The following CCDC141 variants were observed in gnomAD, a reference collection of about 807,000 sequenced individuals.
CCDC141 encodes the protein coiled-coil domain-containing protein 141.
In CCDC141, 168 loss-of-function variants were observed where a neutral mutation model predicts 181.0. The observed-to-expected ratio is 0.93, with a 90% CI of 0.82 to 1.05. The LOEUF (loss-of-function observed/expected upper bound fraction) is 1.05, where lower values mean the gene tolerates loss of function less well. Among genes scored for constraint, CCDC141 ranks in the 50% least tolerant of loss-of-function variants. The probability of loss-of-function intolerance (pLI) is 0.00; values close to 1 mark genes in which losing one functional copy is unlikely to be tolerated. For synonymous variants in CCDC141, 666 were observed against 642.3 expected (o/e 1.04, Z -0.56); for missense variants, 1,902 against 1,788.5 (o/e 1.06, Z -1.14).
chr2:178,885,201 C>T (rs1575169075), intron 10 of CCDC141, 109 bp from the exon 11 acceptor site: 2 of 592,494 alleles, frequency 3.4e-6, no homozygotes, highest in East Asian at 6.2e-5. Flanking sequence ...TGAACTTATA[C>T]CAAGAATCTC....
At chr2:178,818,147 T>C in the CCDC141 span, among the ~76,000 whole-genome samples, 1 of 152,140 alleles carries the variant, frequency 6.6e-6, no homozygotes, top group Non-Finnish European at 1.5e-5. Flanking sequence ...GAAGTCTTTC[T>C]AAACAATGTC....
chr2:178,920,147 C>T (rs561466477), intron 6 of CCDC141, among the ~76,000 whole-genome samples: 2 of 152,198 alleles, frequency 1.3e-5, no homozygotes, highest in Non-Finnish European at 2.9e-5. Context: ...TTCTGGTATC[C>T]ATATAAGCTG....
chr2:178,954,110 C>A (rs1245954414), intron 5 of CCDC141, among the ~76,000 whole-genome samples: 1 of 152,190 alleles, frequency 6.6e-6, no homozygotes, highest in Non-Finnish European at 1.5e-5. Context: ...TGTCTTAATT[C>A]TCCTAGACGT....
chr2:178,940,518 T>C (rs1426301013), intron 6 of CCDC141, among the ~76,000 whole-genome samples: 3 of 152,050 alleles, frequency 2.0e-5, no homozygotes, highest in Non-Finnish European at 4.4e-5. Context: ...ATGTGAGGGA[T>C]AGAGAGAATA....
intron 6 of CCDC141, among the ~76,000 whole-genome samples, chr2:178,922,084 G>T (rs1490407842): frequency 3.9e-5 from 6 of 152,192 alleles, no homozygotes; most frequent in Non-Finnish European, 7.4e-5. Flanking sequence ...AGGATATGAA[G>T]AAATGAAATA....
intron 6 of CCDC141, among the ~76,000 whole-genome samples, chr2:178,936,115 T>C (rs185404190): frequency 2.0e-5 from 3 of 152,290 alleles, no homozygotes; most frequent in East Asian, 1.9e-4. Flanking sequence ...ATCCCACTTG[T>C]CAATTTTTGC....
chr2:179,035,802 GCAT>G (rs1430828496), intron 2 of CCDC141, among the ~76,000 whole-genome samples: 1 of 152,148 alleles, frequency 6.6e-6, no homozygotes, highest in Non-Finnish European at 1.5e-5. Context: ...ATATGGCACA[GCAT>G]CATCATATTA....
At chr2:178,883,304 G>C (rs1348936680) in intron 11 of CCDC141, among the ~76,000 whole-genome samples, 18 of 152,070 alleles carry the variant, frequency 1.2e-4, no homozygotes, top group Non-Finnish European at 2.6e-4. Flanking sequence ...GAACACAAAG[G>C]ATAAATGCTT....
intron 11 of CCDC141, among the ~76,000 whole-genome samples, chr2:178,878,840 A>G (rs1162589439): frequency 6.6e-6 from 1 of 152,170 alleles, no homozygotes; most frequent in Non-Finnish European, 1.5e-5. Context: ...GTTTCATTTA[A>G]AGCCAAGTTT....
chr2:178,824,259 C>G, the CCDC141 span, among the ~76,000 whole-genome samples: 1 of 152,142 alleles, frequency 6.6e-6, no homozygotes, highest in African/African-American at 2.4e-5. Flanking sequence ...GAGATGGTAT[C>G]ATTCCGCTAA....
At chr2:178,942,269 A>C (rs1168536653) in intron 6 of CCDC141, among the ~76,000 whole-genome samples, 1 of 152,168 alleles carries the variant, frequency 6.6e-6, no homozygotes, top group Non-Finnish European at 1.5e-5. Context: ...TGTTTTGTAG[A>C]GATGGAATCT....
chr2:178,886,880 G>T lies in CCDC141; in HGVS notation c.1408-9C>A. On this transcript the variant is annotated splice_polypyrimidine_tract_variant and intron_variant, in intron 9 of 23. Coordinates refer to ENST00000443758, the MANE Select transcript of CCDC141 (RefSeq NM_173648.4). ...TGAATTGACATTTCCACCTTTAGGA[G>T]TGAATAATATATGGCAGTCTTAGTA... 2.9e-6 allele frequency: 4 copies of T among 1,391,534 alleles called. No homozygotes were observed. The highest frequency in any genetic ancestry group is 1.9e-4 in the Middle Eastern group (1 of 5,358). The allele number at this position is 1,391,534 out of a possible 1,614,324, so 86.2% of individuals were successfully genotyped here.
intron 22 of CCDC141, among the ~76,000 whole-genome samples, chr2:178,842,506 T>C (rs1199338462): frequency 6.6e-6 from 1 of 152,252 alleles, no homozygotes; most frequent in Non-Finnish European, 1.5e-5. Context: ...ATTTAAATCA[T>C]TGCCCTGTAG....
chr2:179,048,442 T>C (rs945670284), intron 1 of CCDC141, among the ~76,000 whole-genome samples: 1 of 152,176 alleles, frequency 6.6e-6, no homozygotes, highest in Non-Finnish European at 1.5e-5. Context: ...AATTTTCCAG[T>C]GTAATTTCCA....
rs966747502 is a variant in CCDC141, at chr2:178,830,435, TAAG to T, written c.*3735_*3737del. On this transcript the variant is annotated 3_prime_UTR_variant, in exon 24 of 24. Coordinates refer to ENST00000443758, the MANE Select transcript of CCDC141 (RefSeq NM_173648.4). ...CCTGATTCGGATTGACTCCTGTCTA[TAAG>T]AAGGGAGAATCATCTTTGTCTTTTT... The T allele has an allele frequency of 2.6e-5, 4 of 152,206 alleles. No homozygotes were observed. Among genetic ancestry groups the T allele is most frequent in the Non-Finnish European group, 5.9e-5 (4 of 68,034 alleles). The allele number at this position is 152,206 out of a possible 1,614,324, so 9.4% of individuals were successfully genotyped here. A position where few individuals can be genotyped will look rare whatever the true frequency, so the allele number is the denominator to read the frequency against.
intron 21 of CCDC141, among the ~76,000 whole-genome samples, chr2:178,846,135 T>C (rs151289344): frequency 1.3e-3 from 188 of 150,200 alleles, no homozygotes; most frequent in African/African-American, 4.4e-3. Context: ...GAGAAGAAAG[T>C]AGGAAATCCA....
Position 178,833,235 on chromosome 2 carries a change from C to G in CCDC141, c.*938G>C, listed in dbSNP as rs915748460. On this transcript the variant is annotated 3_prime_UTR_variant, in exon 24 of 24. Coordinates refer to ENST00000443758, the MANE Select transcript of CCDC141 (RefSeq NM_173648.4). ...AGGAGGCCGGTCTGATGACAAATTA[C>G]ATTAAACAATATCATTATCCTTAGC... is the stretch of plus-strand genomic sequence containing the variant. 6.6e-6 allele frequency: 1 copy of G among 152,108 alleles called. No individual in the cohort carries two copies. Among genetic ancestry groups the G allele is most frequent in the Non-Finnish European group, 1.5e-5 (1 of 68,014 alleles). The allele number at this position is 152,108 out of a possible 1,614,324, so 9.4% of individuals were successfully genotyped here.
Position 178,905,180 on chromosome 2 carries a change from T to G in CCDC141, c.1265+149A>C, listed in dbSNP as rs575699052. On this transcript the variant is annotated intron_variant, in intron 8 of 23. Transcript: ENST00000443758. ...CAATGGATGTGTTCAGAATAGCTGTTGATCAAACTTCAATAGATCCTTTTA... is the reference window on the plus strand; with the variant it reads ...CAATGGATGTGTTCAGAATAGCTGTGGATCAAACTTCAATAGATCCTTTTA... The G allele has an allele frequency of 1.3e-5, 9 of 703,000 alleles. No homozygotes were observed. The South Asian group carries it at 1.7e-4, about 14-fold the overall frequency. The allele number at this position is 703,000 out of a possible 1,614,324, so 43.5% of individuals were successfully genotyped here. A position where few individuals can be genotyped will look rare whatever the true frequency, so the allele number is the denominator to read the frequency against.
intron 10 of CCDC141, 88 bp downstream of exon 10, chr2:178,886,664 G>A: frequency 1.2e-6 from 1 of 835,374 alleles, no homozygotes; most frequent in Non-Finnish European, 1.8e-6. Context: ...AACCTCAAGT[G>A]AGCTAGGATT....
Sources: gnomAD v4.1 joint callset for allele counts (sites outside exome capture counted in the v4.1 genomes callset) on GRCh38, gnomAD v4.1.1 for gene constraint, MANE v1.5 for transcripts, NCBI Gene and HGNC (gene_info 2026-07-23, HGNC 2026-07-21) for gene names.